Variants in EDEM1 observed in about 807,000 individuals in gnomAD.
EDEM1 encodes the protein ER degradation enhancing alpha-mannosidase like protein 1.
Under a neutral mutation model 74.4 loss-of-function variants are expected in EDEM1, and 67 were observed. That is an observed-to-expected ratio of 0.90 (90% CI 0.74 to 1.10). The LOEUF (loss-of-function observed/expected upper bound fraction) is 1.10. Ranked by LOEUF, EDEM1 falls within the 50% of genes least tolerant of loss-of-function variation. The pLI, the probability that EDEM1 is intolerant of heterozygous loss-of-function variation, is 0.00. For synonymous variants in EDEM1, 382 were observed against 335.9 expected (o/e 1.14, Z -1.50); for missense variants, 926 against 851.6 (o/e 1.09, Z -1.09).
chr3:5,193,684 G>A lies in EDEM1; in HGVS notation c.510-1525G>A, dbSNP rs137960228. Among the ~76,000 whole-genome samples, 541 of 151,516 alleles carry A rather than the reference G, an allele frequency of 3.6e-3. 3 individuals carry two copies. The highest frequency in any genetic ancestry group is 0.012 in the African/African-American group (502 of 41,230). ...ATGATCTCGGCTCACCGCAACCTCC[G>A]CCTCCTGAGTTCAAGTAATTCTTCT... On this transcript the variant is annotated intron_variant, in intron 1 of 11. Transcript: ENST00000256497.
chr3:5,211,073 A>C, intron 9 of EDEM1, 47 bp from the exon 10 acceptor site: 1 of 1,535,888 alleles, frequency 6.5e-7, no homozygotes, highest in Non-Finnish European at 9.0e-7. Flanking sequence ...GTGAATCAGC[A>C]GGTGGGAAGG....
chr3:5,187,748 G>C lies in EDEM1; in HGVS notation c.-58G>C. ...GGGCTACGGGGCGAGCGCGGGGTGC[G>C]GTGGTCGGCGGGGAGGCCCCCGCGC... On this transcript the variant is annotated 5_prime_UTR_variant, in exon 1 of 12. Transcript: ENST00000256497. 6.9e-7 allele frequency: 1 copy of C among 1,455,188 alleles called. No homozygotes were observed. The highest frequency in any genetic ancestry group is 9.1e-7 in the Non-Finnish European group (1 of 1,103,828). The allele number at this position is 1,455,188 out of a possible 1,614,324, so 90.1% of individuals were successfully genotyped here.
At position 5,205,234 on chromosome 3, in the gene EDEM1, A is replaced by G; in HGVS notation, c.1210A>G (p.Arg404Gly). ...ATATCAGAGTATTCAGAACTACTTA[A>G]GAAGAGGGTATGTCTCCCTAACATC... ...AAYQSIQNYL[R>G]RGREACNEGE... is the part of the protein sequence containing the mutation. Residue 404 changes from arginine (R) to glycine (G), a missense_variant, in exon 6 of 12, where the codon AGA becomes GGA. Transcript: ENST00000256497. 1 of 1,613,538 alleles carries G rather than the reference A, an allele frequency of 6.2e-7. No homozygotes were observed.
intron 1 of EDEM1, 117 bp downstream of exon 1, chr3:5,188,431 C>G (rs1258044848): frequency 2.6e-6 from 3 of 1,166,038 alleles, no homozygotes; most frequent in Non-Finnish European, 3.3e-6. Flanking sequence ...GTTAGGGTCC[C>G]GGGCAGCGCT....
chr3:5,208,088 C>T lies in EDEM1; in HGVS notation c.1339-5C>T, dbSNP rs201858816. 128 of 1,598,112 alleles carry T rather than the reference C, an allele frequency of 8.0e-5. No homozygotes were observed. The highest frequency in any genetic ancestry group is 1.0e-4 in the Non-Finnish European group (120 of 1,174,840). ...TCAGCCTGATGACCTGTGTCCTCTCCTTAGGTGCTGATAGGAGATGTGGAA... is the reference window on the plus strand; with the variant it reads ...TCAGCCTGATGACCTGTGTCCTCTCTTTAGGTGCTGATAGGAGATGTGGAA... On this transcript the variant is annotated splice_polypyrimidine_tract_variant and splice_region_variant and intron_variant, in intron 7 of 11. Coordinates refer to ENST00000256497, the MANE Select transcript of EDEM1 (RefSeq NM_014674.3).
At chr3:5,212,647 A>G (rs1366054655) in intron 10 of EDEM1, among the ~76,000 whole-genome samples, 1 of 152,216 alleles carries the variant, frequency 6.6e-6, no homozygotes, top group Non-Finnish European at 1.5e-5. Context: ...AAAGTTTCAA[A>G]GAGTTTCTAG....
intron 8 of EDEM1, 95 bp from the exon 9 acceptor site, chr3:5,210,080 C>T (rs1037272703): frequency 1.6e-5 from 17 of 1,077,352 alleles, no homozygotes; most frequent in African/African-American, 4.7e-5. Flanking sequence ...GCTGGCGACT[C>T]GTCTCCATGG....
chr3:5,195,509 A>G (rs1379102937), intron 2 of EDEM1, among the ~76,000 whole-genome samples: 1 of 152,226 alleles, frequency 6.6e-6, no homozygotes, highest in Non-Finnish European at 1.5e-5. Context: ...GGAATGTACG[A>G]TTGATTTTAG....
chr3:5,195,836 T>G (rs974825079), intron 2 of EDEM1, among the ~76,000 whole-genome samples: 3 of 152,244 alleles, frequency 2.0e-5, no homozygotes, highest in Non-Finnish European at 4.4e-5. Context: ...TTTTGCTCAT[T>G]GACTCTGGAG....
chr3:5,213,080 C>A (rs548457866), intron 10 of EDEM1, among the ~76,000 whole-genome samples: 1 of 152,274 alleles, frequency 6.6e-6, no homozygotes, highest in African/African-American at 2.4e-5. Context: ...TGCGTCTGGG[C>A]AGGGTATGTG....
At chr3:5,190,423 T>C (rs551113502) in intron 1 of EDEM1, among the ~76,000 whole-genome samples, 1 of 152,356 alleles carries the variant, frequency 6.6e-6, no homozygotes, top group South Asian at 2.1e-4. Flanking sequence ...GATGACATTT[T>C]AATGTTTTTC....
At position 5,208,109 on chromosome 3, in the gene EDEM1, T is replaced by A; in HGVS notation, c.1355T>A (p.Val452Glu). Residue 452 changes from valine (V) to glutamate (E), a missense_variant, in exon 8 of 12, where the codon GTG becomes GAG. By Grantham distance (121) the Val-to-Glu change is moderately radical. Transcript: ENST00000256497. The part of the protein sequence containing the change: ...FPGLQVLIGD[V>E]EDAICLHAFY... ...TCTCCTTAGGTGCTGATAGGAGATG[T>A]GGAAGATGCCATCTGCCTTCATGCC... 1 of 1,604,930 alleles carries A rather than the reference T, an allele frequency of 6.2e-7. No homozygotes were observed.
At chr3:5,191,352 T>G (rs900325795) in intron 1 of EDEM1, among the ~76,000 whole-genome samples, 2 of 152,014 alleles carry the variant, frequency 1.3e-5, no homozygotes, top group Non-Finnish European at 2.9e-5. Flanking sequence ...GCCTCCCGAA[T>G]AGCTGGGACT....
chr3:5,204,643 C>T (rs896729166), intron 5 of EDEM1, among the ~76,000 whole-genome samples: 3 of 152,158 alleles, frequency 2.0e-5, no homozygotes, highest in Non-Finnish European at 2.9e-5. Context: ...CCACCTGCCT[C>T]GGCTTCCCAA....
rs1052664294 is a variant in EDEM1, at chr3:5,216,084, G to A, written c.*166G>A. The A allele has an allele frequency of 6.6e-5, 38 of 577,524 alleles. No homozygotes were observed. The highest frequency in any genetic ancestry group is 1.1e-4 in the Non-Finnish European group (35 of 331,888). The allele number at this position is 577,524 out of a possible 1,614,324, so 35.8% of individuals were successfully genotyped here. A position where few individuals can be genotyped will look rare whatever the true frequency, so the allele number is the denominator to read the frequency against. Reference sequence around the variant, plus strand: ...GTCTGGTTAATCCTTGCACACTTCAGTGTTTCTCTCCTGTTCAATAAAATG... The same window carrying A: ...GTCTGGTTAATCCTTGCACACTTCAATGTTTCTCTCCTGTTCAATAAAATG... On this transcript the variant is annotated 3_prime_UTR_variant, in exon 12 of 12. Coordinates refer to ENST00000256497, the MANE Select transcript of EDEM1 (RefSeq NM_014674.3).
At position 5,208,149 on chromosome 3, in the gene EDEM1, A is replaced by G. The variant is rs2055121414; in HGVS notation, c.1395A>G (p.Ile465Met). ...GCCTTCATGCCTTCTACTATGCCAT[A>G]TGGAAACGATATGGTGCCCTCCCTG... ...AICLHAFYYA[I>M]WKRYGALPER... Residue 465 changes from isoleucine to methionine, a missense_variant, in exon 8 of 12, where the codon ATA becomes ATG. Physicochemically the swap from Ile to Met is conservative, Grantham distance 10 (BLOSUM62 1). Coordinates refer to ENST00000256497, the MANE Select transcript of EDEM1 (RefSeq NM_014674.3). The G allele has an allele frequency of 2.5e-6, 4 of 1,612,810 alleles. No homozygotes were observed. Among genetic ancestry groups the G allele is most frequent in the East Asian group, 2.2e-5 (1 of 44,860 alleles).
At chr3:5,205,305 T>G in intron 6 of EDEM1, 64 bp downstream of exon 6, 1 of 1,515,274 alleles carries the variant, frequency 6.6e-7, no homozygotes, top group Admixed American at 1.9e-5. Flanking sequence ...CTGAAGCGTT[T>G]GTATTTTTTT....
In EDEM1 at chr3:5,219,340, G is replaced by A. The variant is rs1031821556; in HGVS notation, c.*3422G>A. 6.6e-6 allele frequency: 1 copy of A among 152,118 alleles called. No homozygotes were observed. Among genetic ancestry groups the A allele is most frequent in the Non-Finnish European group, 1.5e-5 (1 of 68,030 alleles). The allele number at this position is 152,118 out of a possible 1,614,324, so 9.4% of individuals were successfully genotyped here. A position where few individuals can be genotyped will look rare whatever the true frequency, so the allele number is the denominator to read the frequency against. ...GGCTGAGTGATTACCTTAGCCACAG[G>A]GTGGCTGAGCAGGAACTTTAGAAGA... On this transcript the variant is annotated 3_prime_UTR_variant, in exon 12 of 12. Transcript: ENST00000256497.
In EDEM1 at chr3:5,209,054, T is replaced by TGAGTTTTAGAAACTCTGGTAGTGGG. The variant is rs1215181540; in HGVS notation, c.1509+816_1509+840dup. On this transcript the variant is annotated intron_variant, in intron 8 of 11. Coordinates refer to ENST00000256497, the MANE Select transcript of EDEM1 (RefSeq NM_014674.3). ...TGGGCCAGCCCTAGCAAGCAGGGCC[T>TGAGTTTTAGAAACTCTGGTAGTGGG]GAGTTTTAGAAACTCTGGTAGTGGG... 1.8e-4 allele frequency among the ~76,000 whole-genome samples: 28 copies of TGAGTTTTAGAAACTCTGGTAGTGGG among 152,290 alleles called. 1 individual carries two copies. The highest frequency in any genetic ancestry group is 7.2e-5 in the African/African-American group (3 of 41,564).
Sources: gnomAD v4.1 joint callset for allele counts (sites outside exome capture counted in the v4.1 genomes callset) on GRCh38, gnomAD v4.1.1 for gene constraint, MANE v1.5 for transcripts, NCBI Gene and HGNC (gene_info 2026-07-23, HGNC 2026-07-21) for gene names.